MAF: variants seen among roughly 807,000 people sequenced by gnomAD.
MAF encodes MAF bZIP transcription factor, also known as transcription factor Maf.
In MAF, 10 loss-of-function variants were observed where a neutral mutation model predicts 22.0. The observed-to-expected ratio is 0.45, with a 90% CI of 0.28 to 0.77. The LOEUF is 0.77. Ranked by LOEUF, MAF falls within the 30% of genes least tolerant of loss-of-function variation. MAF has a pLI of 0.12. For synonymous variants in MAF, 337 were observed against 255.8 expected (o/e 1.32, Z -3.03); for missense variants, 544 against 548.4 (o/e 0.99, Z 0.08).
chr16:79,211,661 T>G, the MAF span: 6 of 1,613,618 alleles, frequency 3.7e-6, no homozygotes, highest in Middle Eastern at 1.6e-4. Flanking sequence ...AACTGGAGGG[T>G]CTGGGAGGGA....
chr16:79,319,001 T>G, the MAF span, among the ~76,000 whole-genome samples: 1 of 152,224 alleles, frequency 6.6e-6, no homozygotes, highest in African/African-American at 2.4e-5. Context: ...GCATTTCCTT[T>G]GCAACTATTT....
the MAF span, among the ~76,000 whole-genome samples, chr16:79,480,189 C>G: frequency 6.6e-6 from 1 of 152,042 alleles, no homozygotes; most frequent in East Asian, 1.9e-4. Context: ...AGTATCCACT[C>G]GTTGGAGCTA....
the MAF span, among the ~76,000 whole-genome samples, chr16:79,396,171 C>A: frequency 2.6e-5 from 4 of 152,282 alleles, no homozygotes; most frequent in South Asian, 4.1e-4. Context: ...GCAGGACAGG[C>A]CTCCTCCTGA....
chr16:79,236,544 C>A, the MAF span, among the ~76,000 whole-genome samples: 1 of 151,926 alleles, frequency 6.6e-6, no homozygotes, highest in African/African-American at 2.4e-5. Flanking sequence ...TGAGATCTTT[C>A]AAAACATAAA....
chr16:79,590,684 A>T (rs1913141686), downstream of MAF, among the ~76,000 whole-genome samples: 1 of 151,440 alleles, frequency 6.6e-6, no homozygotes, highest in African/African-American at 2.4e-5. Context: ...CTGCAAACAG[A>T]TCCTTCTTGG....
the MAF span, among the ~76,000 whole-genome samples, chr16:79,347,405 A>G: frequency 6.6e-6 from 1 of 152,216 alleles, no homozygotes; most frequent in African/African-American, 2.4e-5. Context: ...TACCATTTGC[A>G]TAGCACGTTA....
chr16:79,254,019 T>C, the MAF span, among the ~76,000 whole-genome samples: 128 of 151,940 alleles, frequency 8.4e-4, no homozygotes, highest in African/African-American at 2.9e-3. Flanking sequence ...CCTCAGCAAA[T>C]CTTTTTTTGT....
At chr16:79,265,829 G>T in the MAF span, among the ~76,000 whole-genome samples, 3 of 152,136 alleles carry the variant, frequency 2.0e-5, no homozygotes, top group Non-Finnish European at 4.4e-5. Flanking sequence ...GTTCTTTGGG[G>T]CTACTACCAA....
At chr16:79,245,625 C>T in the MAF span, among the ~76,000 whole-genome samples, 1 of 152,020 alleles carries the variant, frequency 6.6e-6, no homozygotes, top group African/African-American at 2.4e-5. Flanking sequence ...TACAGTAGTT[C>T]AACCATTGTG....
chr16:79,313,543 C>G, the MAF span, among the ~76,000 whole-genome samples: 97 of 152,280 alleles, frequency 6.4e-4, no homozygotes, highest in Non-Finnish European at 1.2e-3. Context: ...ATTTTGTTCT[C>G]AAACACTCTG....
At chr16:79,211,034 AGTGTGTGT>A in the MAF span, among the ~76,000 whole-genome samples, 21 of 149,718 alleles carry the variant, frequency 1.4e-4, no homozygotes, top group South Asian at 1.7e-3. Flanking sequence ...TATGGTGAGG[AGTGTGTGT>A]GTGTGTGTGT....
chr16:79,227,605 A>G, the MAF span, among the ~76,000 whole-genome samples: 1 of 151,996 alleles, frequency 6.6e-6, no homozygotes, highest in East Asian at 1.9e-4. Context: ...CACCCAGAGT[A>G]TGGATATATG....
At chr16:79,231,862 G>A in the MAF span, among the ~76,000 whole-genome samples, 1 of 152,000 alleles carries the variant, frequency 6.6e-6, no homozygotes, top group South Asian at 2.1e-4. Flanking sequence ...CTATAATGTA[G>A]AATCTGTGGA....
the MAF span, among the ~76,000 whole-genome samples, chr16:79,460,197 A>T: frequency 3.9e-5 from 6 of 152,154 alleles, no homozygotes; most frequent in Non-Finnish European, 8.8e-5. Context: ...TTTACCATGC[A>T]AAAGTTTTAC....
chr16:79,526,790 G>A, the MAF span, among the ~76,000 whole-genome samples: 9 of 152,130 alleles, frequency 5.9e-5, no homozygotes, highest in East Asian at 3.8e-4. Context: ...GTCACCAAAC[G>A]TGGAGTTAGG....
the MAF span, among the ~76,000 whole-genome samples, chr16:79,526,756 G>A: frequency 6.6e-6 from 1 of 152,130 alleles, no homozygotes; most frequent in Non-Finnish European, 1.5e-5. Context: ...CTCCCACCAT[G>A]GACAATTTCA....
the MAF span, among the ~76,000 whole-genome samples, chr16:79,318,319 G>C: frequency 2.0e-5 from 3 of 152,188 alleles, no homozygotes; most frequent in Non-Finnish European, 4.4e-5. Flanking sequence ...GAGCAACTTG[G>C]ATTGCCCAGT....
At chr16:79,439,051 C>G in the MAF span, among the ~76,000 whole-genome samples, 2 of 152,206 alleles carry the variant, frequency 1.3e-5, no homozygotes, top group South Asian at 2.1e-4. Context: ...ATTGTCGTGT[C>G]CCCTAGCTCC....
the MAF span, among the ~76,000 whole-genome samples, chr16:79,356,819 G>C: frequency 1.2e-4 from 18 of 152,218 alleles, no homozygotes; most frequent in African/African-American, 1.7e-4. Flanking sequence ...CCCCATAAAT[G>C]CTTGCACTTG....
Sources: allele counts gnomAD v4.1 joint callset (sites outside exome capture counted in the v4.1 genomes callset), GRCh38; gene constraint gnomAD v4.1.1; transcripts MANE v1.5; gene names NCBI Gene and HGNC (gene_info 2026-07-23, HGNC 2026-07-21).